Variants in CCDC102B observed in about 807,000 individuals in gnomAD.
The protein encoded by CCDC102B is coiled-coil domain-containing protein 102B.
In CCDC102B, 75 loss-of-function variants were observed where a neutral mutation model predicts 57.4. The observed-to-expected ratio is 1.31, with a 90% confidence interval of 1.08 to 1.58. The LOEUF (loss-of-function observed/expected upper bound fraction) is 1.58. CCDC102B is among the 40% of genes most tolerant of loss of function. The pLI, the probability that CCDC102B is intolerant of heterozygous loss-of-function variation, is 0.00. For synonymous variants in CCDC102B, 206 were observed against 201.9 expected, an observed-to-expected ratio of 1.02 and a Z score of -0.17; for missense variants, 636 against 582.6, an observed-to-expected ratio of 1.09 and a Z score of -0.94.
chr18:68,768,451 C>T (rs491835), intron 2 of CCDC102B, among the ~76,000 whole-genome samples: 11,064 of 152,186 alleles, frequency 0.073, 759 homozygotes, highest in African/African-American at 0.18. Context: ...TCTTTGTCTT[C>T]TTCCAGGGGT....
intron 4 of CCDC102B, among the ~76,000 whole-genome samples, chr18:68,867,700 C>T (rs543957406): frequency 1.6e-4 from 25 of 152,088 alleles, no homozygotes; most frequent in African/African-American, 5.8e-4. Flanking sequence ...TTTGGGAGGC[C>T]GAGGCGGGCG....
chr18:68,967,158 C>T (rs369982848), intron 6 of CCDC102B, among the ~76,000 whole-genome samples: 10 of 101,442 alleles, frequency 9.9e-5, no homozygotes, highest in African/African-American at 2.7e-4. Context: ...TGCCTCTTTT[C>T]GGTGTGTAGA....
rs1484724734 is a variant in CCDC102B, at chr18:69,037,579, T to C, written c.1435-16451T>C. ...CCACCTAGACTCACTGAGTCATTAT[T>C]TTCATTGTATCAGCATCCTCAGGTG... On this transcript the variant is annotated intron_variant, in intron 7 of 7. Transcript: ENST00000360242. 2.0e-5 allele frequency among the ~76,000 whole-genome samples: 3 copies of C among 151,950 alleles called. No individual in the cohort carries two copies. In the East Asian group the frequency reaches 5.8e-4, roughly 29 times the overall value.
At chr18:68,766,971 G>T (rs1396760122) in intron 2 of CCDC102B, among the ~76,000 whole-genome samples, 1 of 150,762 alleles carries the variant, frequency 6.6e-6, no homozygotes, top group Non-Finnish European at 1.5e-5. Context: ...CCCATTTCGT[G>T]GATAAGAATG....
chr18:68,853,672 T>TACAAAAAAAAAAAAAAAA (rs2038241017), intron 4 of CCDC102B, among the ~76,000 whole-genome samples: 1 of 94,680 alleles, frequency 1.1e-5, no homozygotes, highest in Non-Finnish European at 2.0e-5. Context: ...CCCCAAATTG[T>TACAAAAAAAAAAAAAAAA]AAAAAAAAAA....
At chr18:69,037,014 T>A (rs143029797) in intron 7 of CCDC102B, among the ~76,000 whole-genome samples, 48 of 105,214 alleles carry the variant, frequency 4.6e-4, no homozygotes, top group African/African-American at 1.6e-3. Context: ...TATATATGTG[T>A]GGGGGTGTAT....
At chr18:69,019,011 T>C (rs11151481) in intron 7 of CCDC102B, among the ~76,000 whole-genome samples, 129,075 of 152,040 alleles carry the variant, frequency 0.85, 56,125 homozygotes, top group Non-Finnish European at 0.95. Flanking sequence ...TCATTGTATA[T>C]TTTTGGTGCT....
intron 1 of CCDC102B, among the ~76,000 whole-genome samples, chr18:68,801,048 A>G (rs1568257768): frequency 6.6e-6 from 1 of 152,126 alleles, no homozygotes; most frequent in Non-Finnish European, 1.5e-5. Context: ...TAACTATGCT[A>G]TCATTTTATG....
chr18:68,909,463 T>A (rs1457817844), intron 6 of CCDC102B, among the ~76,000 whole-genome samples: 1 of 152,218 alleles, frequency 6.6e-6, no homozygotes, highest in Non-Finnish European at 1.5e-5. Flanking sequence ...AATCAGATTC[T>A]ACCAATAAGT....
chr18:68,830,649 AT>A, intron 1 of CCDC102B, among the ~76,000 whole-genome samples: 1 of 151,358 alleles, frequency 6.6e-6, no homozygotes, highest in African/African-American at 2.4e-5. Flanking sequence ...TTTATTCCAT[AT>A]ATATTCTATA....
chr18:68,990,180 G>A (rs533515808), intron 6 of CCDC102B, among the ~76,000 whole-genome samples: 3 of 152,262 alleles, frequency 2.0e-5, no homozygotes, highest in African/African-American at 4.8e-5. Context: ...CAAACTCCTA[G>A]TGGCACATGT....
rs373666170 is a variant in CCDC102B, at chr18:68,869,443, T to C, written c.937-5226T>C. Among the ~76,000 whole-genome samples, 11 of 152,272 alleles carry C rather than the reference T, an allele frequency of 7.2e-5. No homozygotes were observed. In the South Asian group the frequency reaches 1.0e-3, roughly 14 times the overall value. ...AGTAAGGGCAGAACTGAATATTGTG[T>C]GGTGGAAAGTCTGAGGAATGCTGGT... On this transcript the variant is annotated intron_variant, in intron 4 of 7. Coordinates refer to ENST00000360242, the MANE Select transcript of CCDC102B (RefSeq NM_024781.3).
chr18:68,856,190 G>T (rs1239920110), intron 4 of CCDC102B, among the ~76,000 whole-genome samples: 1 of 151,992 alleles, frequency 6.6e-6, no homozygotes. Context: ...TTATCGTACA[G>T]CTTTAGGCAA....
At chr18:68,784,482 A>G (rs1203098362) in intron 2 of CCDC102B, among the ~76,000 whole-genome samples, 3 of 152,162 alleles carry the variant, frequency 2.0e-5, no homozygotes, top group African/African-American at 7.2e-5. Context: ...ATTCGACATG[A>G]AATTGGAGTG....
At chr18:68,783,511 A>G (rs571607553) in intron 2 of CCDC102B, among the ~76,000 whole-genome samples, 23 of 152,260 alleles carry the variant, frequency 1.5e-4, no homozygotes, top group African/African-American at 5.1e-4. Flanking sequence ...CAGGCAGGCA[A>G]TGCATTGATA....
Position 68,983,901 on chromosome 18 carries a change from T to C in CCDC102B, c.1264-27033T>C, listed in dbSNP as rs536162381. Among the ~76,000 whole-genome samples the C allele has an allele frequency of 6.6e-5, 10 of 152,078 alleles. No homozygotes were observed. The East Asian group carries it at 1.5e-3, about 24-fold the overall frequency. On this transcript the variant is annotated intron_variant, in intron 6 of 7. Transcript: ENST00000360242. ...GTTTAAAGGAGTGAAAAAATGATTC[T>C]GGAGAATAATACAAAAAATATCATC...
chr18:69,041,819 T>A (rs2052442487), intron 7 of CCDC102B, among the ~76,000 whole-genome samples: 1 of 152,090 alleles, frequency 6.6e-6, no homozygotes, highest in African/African-American at 2.4e-5. Flanking sequence ...GGTTTGCTCT[T>A]GCTTCACTAG....
At chr18:68,801,040 A>G (rs1259346947) in intron 1 of CCDC102B, among the ~76,000 whole-genome samples, 2 of 152,112 alleles carry the variant, frequency 1.3e-5, no homozygotes, top group African/African-American at 4.8e-5. Context: ...CATGATGGTA[A>G]CTATGCTATC....
At chr18:68,766,036 A>G (rs935555450) in intron 2 of CCDC102B, among the ~76,000 whole-genome samples, 2 of 152,190 alleles carry the variant, frequency 1.3e-5, no homozygotes, top group Non-Finnish European at 2.9e-5. Context: ...ATATTAATTC[A>G]TAGGAGATAA....
Sources: allele counts gnomAD v4.1 joint callset (sites outside exome capture counted in the v4.1 genomes callset), GRCh38; gene constraint gnomAD v4.1.1; transcripts MANE v1.5; gene names NCBI Gene and HGNC (gene_info 2026-07-23, HGNC 2026-07-21).